RBL1: variants seen among roughly 807,000 people sequenced by gnomAD.
The protein encoded by RBL1 is retinoblastoma-like protein 1.
In RBL1, 82 loss-of-function variants were observed where a neutral mutation model predicts 123.0. The observed-to-expected ratio is 0.67, with a 90% CI of 0.56 to 0.80. The LOEUF (loss-of-function observed/expected upper bound fraction) is 0.80, where lower values mean the gene tolerates loss of function less well. RBL1 is among the 30% of genes least tolerant of loss of function. RBL1 has a pLI of 0.00. For missense variants in RBL1, 1,171 were observed against 1,299.6 expected, an observed-to-expected ratio of 0.90 and a Z score of 1.52; for synonymous variants, 405 against 441.3, an observed-to-expected ratio of 0.92 and a Z score of 1.03.
At chr20:37,081,724 T>C (rs768084343) in intron 2 of RBL1, among the ~76,000 whole-genome samples, 10 of 152,196 alleles carry the variant, frequency 6.6e-5, no homozygotes, top group African/African-American at 1.4e-4. Context: ...ATCTGAAAAT[T>C]TGCCATTCCA....
intron 2 of RBL1, among the ~76,000 whole-genome samples, chr20:37,080,162 T>G (rs1416943658): frequency 8.5e-5 from 13 of 152,112 alleles, no homozygotes; most frequent in Admixed American, 8.5e-4. Flanking sequence ...TTTATTTATT[T>G]GATTTTATTT....
In RBL1 at chr20:37,095,912, G is replaced by C. The variant is rs1188354458; in HGVS notation, c.17C>G (p.Pro6Arg). 3 of 1,598,626 alleles carry C rather than the reference G, an allele frequency of 1.9e-6. No individual in the cohort carries two copies. The highest frequency in any genetic ancestry group is 2.6e-6 in the Non-Finnish European group (3 of 1,173,822). Residue 6 changes from proline (P) to arginine (R), a missense_variant, in exon 1 of 22, where the codon CCC (proline) becomes CGC (arginine). Coordinates refer to ENST00000373664, the MANE Select transcript of RBL1 (RefSeq NM_002895.5). Reference protein sequence around the residue: MFEDKPHAEGAAVVAA... With the variant: MFEDKRHAEGAAVVAA... ...GACCACCGCCGCCCCCTCAGCGTGG[G>C]GCTTGTCCTCGAACATCCCTTCAGG...
intron 1 of RBL1, among the ~76,000 whole-genome samples, chr20:37,089,942 C>T (rs1252729336): frequency 6.6e-6 from 1 of 152,066 alleles, no homozygotes; most frequent in Non-Finnish European, 1.5e-5. Flanking sequence ...GTCCCACCTA[C>T]TTGGGAGGCT....
intron 19 of RBL1, among the ~76,000 whole-genome samples, chr20:37,018,029 A>T (rs1348962849): frequency 1.3e-5 from 2 of 152,190 alleles, no homozygotes; most frequent in Non-Finnish European, 2.9e-5. Context: ...AGTCTCTTTT[A>T]CGTGTTTCAT....
chr20:37,094,227 A>G (rs2065692829), intron 1 of RBL1, among the ~76,000 whole-genome samples: 1 of 152,174 alleles, frequency 6.6e-6, no homozygotes, highest in East Asian at 1.9e-4. Flanking sequence ...TGGGCAAGAG[A>G]GACCAAATCA....
intron 19 of RBL1, among the ~76,000 whole-genome samples, chr20:37,008,528 T>C (rs2064108526): frequency 6.6e-6 from 1 of 152,214 alleles, no homozygotes; most frequent in Admixed American, 6.5e-5. Context: ...GGCAGAACTT[T>C]GTCCTACTAT....
At chr20:37,086,905 G>A (rs2065555352) in intron 2 of RBL1, among the ~76,000 whole-genome samples, 1 of 152,138 alleles carries the variant, frequency 6.6e-6, no homozygotes, top group Admixed American at 6.5e-5. Flanking sequence ...AGATGCAGAT[G>A]GATAACACAT....
chr20:37,033,364 T>C (rs2064546428), intron 15 of RBL1, among the ~76,000 whole-genome samples: 1 of 151,638 alleles, frequency 6.6e-6, no homozygotes, highest in Non-Finnish European at 1.5e-5. Context: ...AAAATATTTT[T>C]AGTAGACACA....
intron 21 of RBL1, 137 bp downstream of exon 21, chr20:37,003,565 G>A: frequency 1.5e-6 from 2 of 1,305,318 alleles, no homozygotes; most frequent in Non-Finnish European, 2.0e-6. Context: ...TTGATGAGAG[G>A]AGACATGCCA....
intron 2 of RBL1, among the ~76,000 whole-genome samples, chr20:37,072,739 A>G (rs1156961576): frequency 1.3e-5 from 2 of 152,122 alleles, no homozygotes; most frequent in Non-Finnish European, 2.9e-5. Flanking sequence ...AGCAGGATCA[A>G]TCTCCTGGGG....
chr20:37,030,440 C>T (rs2064488547), intron 16 of RBL1, among the ~76,000 whole-genome samples: 1 of 152,194 alleles, frequency 6.6e-6, no homozygotes, highest in Admixed American at 6.5e-5. Context: ...TTAAAATGGG[C>T]TGGGCGTGGT....
intron 7 of RBL1, among the ~76,000 whole-genome samples, chr20:37,063,051 G>A (rs1429694178): frequency 6.6e-6 from 1 of 152,164 alleles, no homozygotes; most frequent in Non-Finnish European, 1.5e-5. Flanking sequence ...AGAGTCATTG[G>A]GTCTGTTTAT....
At chr20:37,050,281 C>T (rs188393945) in intron 11 of RBL1, among the ~76,000 whole-genome samples, 1 of 152,026 alleles carries the variant, frequency 6.6e-6, no homozygotes, top group African/African-American at 2.4e-5. Flanking sequence ...CAGTGGCTCA[C>T]GCCTGTAATC....
At position 37,045,331 on chromosome 20, in the gene RBL1, C is replaced by T. The variant is rs558414277; in HGVS notation, c.1606-1081G>A. Among the ~76,000 whole-genome samples the T allele has an allele frequency of 6.6e-5, 10 of 152,194 alleles. No individual in the cohort carries two copies. In the South Asian group the frequency reaches 2.1e-3, roughly 32 times the overall value. On this transcript the variant is annotated intron_variant, in intron 12 of 21. Coordinates refer to ENST00000373664, the MANE Select transcript of RBL1 (RefSeq NM_002895.5). ...CTATATTAGCCAGGATGGTCTCAATCTCCTGACCTCATGATCCGCCCGCCT... is the reference window on the plus strand; with the variant it reads ...CTATATTAGCCAGGATGGTCTCAATTTCCTGACCTCATGATCCGCCCGCCT...
chr20:37,086,461 G>A (rs1000163461), intron 2 of RBL1, among the ~76,000 whole-genome samples: 3 of 151,978 alleles, frequency 2.0e-5, no homozygotes, highest in Non-Finnish European at 4.4e-5. Flanking sequence ...GGTGGCGGGC[G>A]CCTGTAATCC....
At chr20:37,055,759 G>T in intron 10 of RBL1, 103 bp from the exon 11 acceptor site, 1 of 1,147,782 alleles carries the variant, frequency 8.7e-7, no homozygotes. Flanking sequence ...ATTAAGAATA[G>T]CAGGGCAGGC....
chr20:37,059,027 C>T (rs2065055713), intron 9 of RBL1, among the ~76,000 whole-genome samples: 1 of 152,188 alleles, frequency 6.6e-6, no homozygotes, highest in African/African-American at 2.4e-5. Flanking sequence ...GGCCACAACA[C>T]CCAGCGTTTC....
intron 2 of RBL1, among the ~76,000 whole-genome samples, chr20:37,087,555 C>T (rs568731781): frequency 5.3e-5 from 8 of 152,094 alleles, no homozygotes; most frequent in African/African-American, 1.9e-4. Context: ...CCACTGCACT[C>T]GAGGCCTGGG....
intron 8 of RBL1, among the ~76,000 whole-genome samples, 188 bp from the exon 9 acceptor site, chr20:37,061,457 A>G (rs927772554): frequency 3.9e-5 from 6 of 152,228 alleles, no homozygotes; most frequent in East Asian, 1.9e-4. Flanking sequence ...ATATAATTTC[A>G]TTTAATCTTC....
Sources: gnomAD v4.1 joint callset for allele counts (sites outside exome capture counted in the v4.1 genomes callset) on GRCh38, gnomAD v4.1.1 for gene constraint, MANE v1.5 for transcripts, NCBI Gene and HGNC (gene_info 2026-07-23, HGNC 2026-07-21) for gene names.